Variants in ANKS1B observed in about 807,000 individuals in gnomAD.
ANKS1B encodes ankyrin repeat and sterile alpha motif domain-containing protein 1B.
ANKS1B carries 36 observed loss-of-function variants against 148.3 expected under a neutral mutation model. That is an observed-to-expected ratio of 0.24 (90% confidence interval 0.19 to 0.32). The LOEUF is 0.32. Ranked by LOEUF, ANKS1B falls within the 10% of genes least tolerant of loss-of-function variation. The probability of loss-of-function intolerance (pLI) is 1.00; values close to 1 mark genes in which losing one functional copy is unlikely to be tolerated. For synonymous variants in ANKS1B, 542 were observed against 560.8 expected, an observed-to-expected ratio of 0.97 and a Z score of 0.47; for missense variants, 1,157 against 1,542.6, an observed-to-expected ratio of 0.75 and a Z score of 4.19.
At chr12:99,660,111 G>A (rs778915580) in intron 8 of ANKS1B, among the ~76,000 whole-genome samples, 1 of 152,132 alleles carries the variant, frequency 6.6e-6, no homozygotes, top group African/African-American at 2.4e-5. Flanking sequence ...TAGTTCTAAA[G>A]TAAAATTGCT....
Position 99,487,145 on chromosome 12 carries a change from C to T in ANKS1B, c.1438+17331G>A, listed in dbSNP as rs144816454. ...AGCAGAAAGATCTGGTGCTCAAGGC[C>T]TGCCATCCAGGTCCTTCTGAACCAC... On this transcript the variant is annotated intron_variant, in intron 10 of 26. Coordinates refer to ENST00000683438, the MANE Select transcript of ANKS1B (RefSeq NM_001352186.2). Among the ~76,000 whole-genome samples the T allele has an allele frequency of 1.3e-3, 197 of 152,334 alleles. 2 individuals are homozygous for T. Among genetic ancestry groups the T allele is most frequent in the African/African-American group, 4.5e-3 (187 of 41,568 alleles).
At chr12:98,987,495 G>C (rs1236661902) in intron 17 of ANKS1B, among the ~76,000 whole-genome samples, 1 of 152,054 alleles carries the variant, frequency 6.6e-6, no homozygotes, top group Non-Finnish European at 1.5e-5. Flanking sequence ...TAATGGTAAA[G>C]TAGCTTATTT....
At chr12:99,493,262 A>G (rs997915524) in intron 10 of ANKS1B, among the ~76,000 whole-genome samples, 14 of 152,242 alleles carry the variant, frequency 9.2e-5, no homozygotes, top group African/African-American at 3.4e-4. Context: ...AGGTTATTGC[A>G]GAAGTTTAAG....
At chr12:99,077,205 A>G (rs1178928710) in intron 16 of ANKS1B, among the ~76,000 whole-genome samples, 1 of 152,186 alleles carries the variant, frequency 6.6e-6, no homozygotes, top group Admixed American at 6.6e-5. Flanking sequence ...GGGTCCCGTC[A>G]TGTATTTACT....
chr12:99,395,814 T>C (rs1198240575), intron 12 of ANKS1B, among the ~76,000 whole-genome samples: 1 of 152,218 alleles, frequency 6.6e-6, no homozygotes, highest in East Asian at 1.9e-4. Context: ...TTTTGCAGCA[T>C]ACGATTTATT....
In ANKS1B at chr12:99,877,097, C is replaced by CG. The variant is rs34252977; in HGVS notation, c.135-51709_135-51708insC. ...TTTCACCTCATACCCACTTCACCCC[C>CG]CCACCCCAGTCCCCAATATGGTTGA... On this transcript the variant is annotated intron_variant, in intron 1 of 26. Coordinates refer to ENST00000683438, the MANE Select transcript of ANKS1B (RefSeq NM_001352186.2). 1.7e-3 allele frequency among the ~76,000 whole-genome samples: 257 copies of CG among 152,296 alleles called. 9 individuals carry two copies. In the East Asian group the frequency reaches 0.042, roughly 25 times the overall value.
At chr12:98,766,428 C>A (rs1396325842) in intron 25 of ANKS1B, among the ~76,000 whole-genome samples, 3 of 152,216 alleles carry the variant, frequency 2.0e-5, no homozygotes, top group Admixed American at 6.5e-5. Flanking sequence ...CAGGGAACGG[C>A]TTCTCTTTTA....
In ANKS1B at chr12:99,304,889, T is replaced by C. The variant is rs148654534; in HGVS notation, c.1757-58025A>G. 5.9e-3 allele frequency among the ~76,000 whole-genome samples: 894 copies of C among 152,258 alleles called. 5 individuals carry two copies. Among genetic ancestry groups the C allele is most frequent in the South Asian group, 0.035 (170 of 4,824 alleles). On this transcript the variant is annotated intron_variant, in intron 12 of 26. Coordinates refer to ENST00000683438, the MANE Select transcript of ANKS1B (RefSeq NM_001352186.2). ...CCTTGAATTCATAAAAAAAGGTTAA[T>C]GTATCCATATTAGTCTGTTTTGCAT...
chr12:99,774,009 T>C (rs2063431426), intron 7 of ANKS1B, among the ~76,000 whole-genome samples: 1 of 152,028 alleles, frequency 6.6e-6, no homozygotes, highest in African/African-American at 2.4e-5. Context: ...ATGCAAACAG[T>C]ATAAAGACTG....
intron 14 of ANKS1B, among the ~76,000 whole-genome samples, chr12:99,157,047 A>C (rs2076138646): frequency 6.6e-6 from 1 of 152,138 alleles, no homozygotes; most frequent in Non-Finnish European, 1.5e-5. Flanking sequence ...TTTTTGAATA[A>C]GCAGCCCTGG....
rs979873778 is a variant in ANKS1B at position 99,574,706 on chromosome 12, G to C, written c.1273-70065C>G. On this transcript the variant is annotated intron_variant, in intron 9 of 26. Transcript: ENST00000683438. Reference sequence around the variant, plus strand: ...AATCATCTTCATAGATGTGGAAAAGGCATTTGACAAAATTTAATATATATT... The same window carrying C: ...AATCATCTTCATAGATGTGGAAAAGCCATTTGACAAAATTTAATATATATT... Among the ~76,000 whole-genome samples the C allele has an allele frequency of 4.6e-5, 7 of 151,850 alleles. No homozygotes were observed. The East Asian group carries it at 1.4e-3, about 29-fold the overall frequency.
intron 15 of ANKS1B, among the ~76,000 whole-genome samples, chr12:99,146,316 C>T (rs1034534455): frequency 1.3e-5 from 2 of 152,104 alleles, no homozygotes; most frequent in Admixed American, 6.6e-5. Context: ...TAGCTTAGGG[C>T]TAAGAACAGA....
At chr12:99,581,897 C>CA (rs369048602) in intron 9 of ANKS1B, among the ~76,000 whole-genome samples, 4,652 of 59,330 alleles carry the variant, frequency 0.078, 138 homozygotes, top group South Asian at 0.15. Flanking sequence ...GACTCCGTCT[C>CA]AAAAAAAAAA....
chr12:99,303,556 A>G (rs1046606034), intron 12 of ANKS1B, among the ~76,000 whole-genome samples: 6 of 152,152 alleles, frequency 3.9e-5, no homozygotes, highest in Non-Finnish European at 8.8e-5. Context: ...CAAACAATAA[A>G]TATTTCAGTA....
chr12:99,230,717 C>T (rs1324227538), intron 14 of ANKS1B, among the ~76,000 whole-genome samples: 2 of 152,080 alleles, frequency 1.3e-5, no homozygotes, highest in Admixed American at 1.3e-4. Flanking sequence ...AGAACACAAT[C>T]GTTTGATTAA....
intron 17 of ANKS1B, among the ~76,000 whole-genome samples, chr12:99,043,005 T>C (rs1034376856): frequency 1.3e-5 from 2 of 152,222 alleles, no homozygotes; most frequent in Non-Finnish European, 2.9e-5. Context: ...CCCACTTTCA[T>C]ACTGGGTTTA....
chr12:98,824,464 G>A (rs1279198911), intron 19 of ANKS1B, among the ~76,000 whole-genome samples: 1 of 152,176 alleles, frequency 6.6e-6, no homozygotes, highest in Non-Finnish European at 1.5e-5. Flanking sequence ...GACAGGTGAT[G>A]GGTCTGAACC....
chr12:99,074,264 A>AT (rs1384180130), intron 16 of ANKS1B, among the ~76,000 whole-genome samples: 1 of 151,738 alleles, frequency 6.6e-6, no homozygotes, highest in Non-Finnish European at 1.5e-5. Flanking sequence ...TCAGAAGGAG[A>AT]TTAGGAGTAA....
At chr12:98,904,141 C>A (rs2152797006) in intron 17 of ANKS1B, among the ~76,000 whole-genome samples, 1 of 151,876 alleles carries the variant, frequency 6.6e-6, no homozygotes, top group East Asian at 1.9e-4. Flanking sequence ...AGCTGCTGCA[C>A]AAATCCAAGT....
Sources: allele counts gnomAD v4.1 joint callset (sites outside exome capture counted in the v4.1 genomes callset), GRCh38; gene constraint gnomAD v4.1.1; transcripts MANE v1.5; gene names NCBI Gene and HGNC (gene_info 2026-07-23, HGNC 2026-07-21).